Variants in CHRNA9 observed in about 807,000 individuals in gnomAD.
CHRNA9 encodes cholinergic receptor nicotinic alpha 9 subunit.
Under a neutral mutation model 36.8 loss-of-function variants are expected in CHRNA9, and 24 were observed. The ratio of observed to expected loss-of-function variants is 0.65; its 90% CI spans 0.47 to 0.92. The LOEUF (loss-of-function observed/expected upper bound fraction) is 0.92. Ranked by LOEUF, CHRNA9 falls within the 40% of genes least tolerant of loss-of-function variation. The pLI, the probability that CHRNA9 is intolerant of heterozygous loss-of-function variation, is 0.00. For synonymous variants in CHRNA9, 231 were observed against 231.8 expected (o/e 1.00, Z 0.03); for missense variants, 610 against 601.2 (o/e 1.01, Z -0.15).
rs1712920467 is a variant in CHRNA9 at position 40,355,094 on chromosome 4, A to G, written c.*574A>G. The stretch of plus-strand genomic sequence containing the variant: ...TTTCTTCATAATGGTGATGTCGTAT[A>G]TGTTGGTTATGTTTTATATAAACCC... On this transcript the variant is annotated 3_prime_UTR_variant, in exon 5 of 5. Transcript: ENST00000310169. The G allele has an allele frequency of 1.3e-5, 2 of 152,470 alleles. No homozygotes were observed. Among genetic ancestry groups the G allele is most frequent in the Non-Finnish European group, 1.5e-5 (1 of 68,250 alleles). The allele number at this position is 152,470 out of a possible 1,614,324, so 9.4% of individuals were successfully genotyped here.
chr4:40,338,840 G>A (rs7440050), intron 3 of CHRNA9, among the ~76,000 whole-genome samples: 1 of 137,988 alleles, frequency 7.2e-6, no homozygotes, highest in Non-Finnish European at 1.5e-5. Flanking sequence ...CGCTCTCTCT[G>A]TCTCTGTCTC....
At chr4:40,345,092 A>G (rs1712600177) in intron 3 of CHRNA9, among the ~76,000 whole-genome samples, 1 of 152,216 alleles carries the variant, frequency 6.6e-6, no homozygotes, top group South Asian at 2.1e-4. Flanking sequence ...GAAGGCACAC[A>G]GCTAGAAAGT....
At chr4:40,339,913 C>G (rs578166157) in intron 3 of CHRNA9, among the ~76,000 whole-genome samples, 6 of 152,158 alleles carry the variant, frequency 3.9e-5, no homozygotes, top group African/African-American at 1.2e-4. Flanking sequence ...GTGATCCACC[C>G]AGCTCAGCCT....
chr4:40,346,110 T>G (rs1712631282), intron 3 of CHRNA9, among the ~76,000 whole-genome samples: 1 of 152,222 alleles, frequency 6.6e-6, no homozygotes, highest in South Asian at 2.1e-4. Flanking sequence ...GCAGGTTCCC[T>G]TGCCCTTTGG....
intron 4 of CHRNA9, among the ~76,000 whole-genome samples, chr4:40,352,874 C>T (rs1224381696): frequency 6.6e-6 from 1 of 151,790 alleles, no homozygotes; most frequent in East Asian, 1.9e-4. Context: ...ATTCTGAGAA[C>T]TGGTCAAGTT....
rs760944855 is a variant in CHRNA9 at position 40,354,137 on chromosome 4, G to T, written c.1057G>T (p.Asp353Tyr). ...KYMSRVLFVY[D>Y]VGESCLSPHH... ...CATGTCCAGGGTCTTGTTTGTCTAT[G>T]ATGTGGGTGAAAGCTGCCTCAGCCC... The change falls in exon 5 of 5, where the codon GAT (aspartate) becomes TAT (tyrosine). Residue 353 changes from aspartate to tyrosine, a missense_variant. By Grantham distance (160) the Asp-to-Tyr change is radical. Transcript: ENST00000310169. The T allele has an allele frequency of 1.9e-6, 3 of 1,614,204 alleles. No homozygotes were observed. The highest frequency in any genetic ancestry group is 2.5e-6 in the Non-Finnish European group (3 of 1,180,018).
chr4:40,340,678 T>TGTGA lies in CHRNA9; in HGVS notation c.365+3315_365+3318dup, dbSNP rs776516149. Among the ~76,000 whole-genome samples, 254 of 152,188 alleles carry TGTGA rather than the reference T, an allele frequency of 1.7e-3. 1 individual carries two copies. Among genetic ancestry groups the TGTGA allele is most frequent in the Non-Finnish European group, 2.9e-3 (198 of 67,994 alleles). ...TTAGGGGGTAGGTGAGTCAGTCCAG[T>TGTGA]GTGATAAAGACACTCAGGCAGGAAG... On this transcript the variant is annotated intron_variant, in intron 3 of 4. Transcript: ENST00000310169.
At chr4:40,342,444 T>C (rs1314927860) in intron 3 of CHRNA9, among the ~76,000 whole-genome samples, 1 of 152,082 alleles carries the variant, frequency 6.6e-6, no homozygotes, top group East Asian at 1.9e-4. Flanking sequence ...TGGCTGAGAA[T>C]AAAGTTGAAA....
chr4:40,350,182 AG>A (rs529219926), intron 4 of CHRNA9, among the ~76,000 whole-genome samples: 451 of 152,332 alleles, frequency 3.0e-3, no homozygotes, highest in Non-Finnish European at 5.0e-3. Flanking sequence ...TGGGTATAAT[AG>A]CAGTGGGAGA....
At chr4:40,339,397 TG>T (rs533787120) in intron 3 of CHRNA9, among the ~76,000 whole-genome samples, 115 of 150,092 alleles carry the variant, frequency 7.7e-4, no homozygotes, top group South Asian at 4.4e-3. Flanking sequence ...AGACAGGGTC[TG>T]GGGGCCAGGC....
At position 40,338,109 on chromosome 4, in the gene CHRNA9, T is replaced by A. The variant is rs376110236; in HGVS notation, c.365+745T>A. 23 of 152,276 alleles carry A rather than the reference T, an allele frequency of 1.5e-4. 1 individual carries two copies. The East Asian group carries it at 2.3e-3, about 15-fold the overall frequency. 9.4% of individuals were successfully genotyped at this position (152,276 alleles called of 1,614,324 possible). A position where few individuals can be genotyped will look rare whatever the true frequency, so the allele number is the denominator to read the frequency against. On this transcript the variant is annotated intron_variant, in intron 3 of 4. Transcript: ENST00000310169. ...CCATCCAAGATCATGTATCAATAAT[T>A]AATTAAACCGGAATGGGCCATCTAG...
chr4:40,353,429 T>C (rs548055416), intron 4 of CHRNA9, among the ~76,000 whole-genome samples: 2 of 151,468 alleles, frequency 1.3e-5, no homozygotes, highest in East Asian at 3.9e-4. Flanking sequence ...AGCCAGAGGT[T>C]GCAGTGAGCT....
At chr4:40,336,010 T>A in intron 2 of CHRNA9, 38 bp downstream of exon 2, 2 of 1,562,996 alleles carry the variant, frequency 1.3e-6, no homozygotes, top group Non-Finnish European at 1.8e-6. Flanking sequence ...GGAATGATTC[T>A]TAGAGGATAA....
chr4:40,344,703 G>C (rs946219671), intron 3 of CHRNA9, among the ~76,000 whole-genome samples: 1 of 152,146 alleles, frequency 6.6e-6, no homozygotes, highest in South Asian at 2.1e-4. Context: ...TATGAAACTT[G>C]AATCAGGTTC....
intron 4 of CHRNA9, among the ~76,000 whole-genome samples, chr4:40,351,581 T>C (rs1211747000): frequency 2.0e-5 from 3 of 152,208 alleles, no homozygotes; most frequent in Non-Finnish European, 4.4e-5. Context: ...CACAATATTA[T>C]AGAAATATGT....
intron 4 of CHRNA9, among the ~76,000 whole-genome samples, chr4:40,351,232 T>C (rs1177081235): frequency 2.0e-5 from 3 of 150,250 alleles, no homozygotes; most frequent in South Asian, 2.1e-4. Flanking sequence ...CTTGGGAGGC[T>C]GAGACAGGAG....
intron 3 of CHRNA9, among the ~76,000 whole-genome samples, chr4:40,345,821 T>C (rs1712622924): frequency 6.6e-6 from 1 of 152,120 alleles, no homozygotes; most frequent in Non-Finnish European, 1.5e-5. Flanking sequence ...GGTCAGGAGT[T>C]CAAGACCAGC....
intron 3 of CHRNA9, among the ~76,000 whole-genome samples, chr4:40,339,622 C>T (rs1318306840): frequency 2.7e-5 from 4 of 145,800 alleles, no homozygotes; most frequent in Non-Finnish European, 4.5e-5. Context: ...GCCGAGATCG[C>T]GCTCCAGTCC....
At chr4:40,338,889 T>TCACA (rs1315989946) in intron 3 of CHRNA9, among the ~76,000 whole-genome samples, 237 of 135,982 alleles carry the variant, frequency 1.7e-3, no homozygotes, top group African/African-American at 7.4e-3. Context: ...TCCCTCTCTC[T>TCACA]CTCACACACA....
Sources: allele counts gnomAD v4.1 joint callset (sites outside exome capture counted in the v4.1 genomes callset), GRCh38; gene constraint gnomAD v4.1.1; transcripts MANE v1.5; gene names NCBI Gene and HGNC (gene_info 2026-07-23, HGNC 2026-07-21).